The following HAPLN4 variants were observed in gnomAD, a reference collection of about 807,000 sequenced individuals.
HAPLN4 encodes the protein hyaluronan and proteoglycan link protein 4, also known as brain link protein 2.
HAPLN4 carries 19 observed loss-of-function variants against 28.0 expected under a neutral mutation model. The ratio of observed to expected loss-of-function variants is 0.68; its 90% CI spans 0.47 to 1.00. HAPLN4 has a LOEUF of 1.00. Among genes scored for constraint, HAPLN4 ranks in the 50% least tolerant of loss-of-function variants. The pLI, the probability that HAPLN4 is intolerant of heterozygous loss-of-function variation, is 0.00. For synonymous variants in HAPLN4, 274 were observed against 273.0 expected (o/e 1.00, Z -0.03); for missense variants, 587 against 602.6 (o/e 0.97, Z 0.27).
Position 19,261,552 on chromosome 19 carries a change from C to G in HAPLN4, c.15G>C (p.Arg5=), listed in dbSNP as rs1213558198. Residue 5 remains arginine (R), a synonymous_variant, in exon 2 of 5, where the codon CGG becomes CGC. Transcript: ENST00000291481. Reference sequence around the variant, plus strand: ...AGAGCGCGCCGGGACCGAGGGCCGCCCGAGCGCACACCTGGGGGGCGGGCA... The same window carrying G: ...AGAGCGCGCCGGGACCGAGGGCCGCGCGAGCGCACACCTGGGGGGCGGGCA... The part of the protein sequence containing the change: MVCA[R]AALGPGALWA... The G allele has an allele frequency of 3.9e-6, 6 of 1,546,680 alleles. No homozygotes were observed. Among genetic ancestry groups the G allele is most frequent in the Non-Finnish European group, 5.2e-6 (6 of 1,149,102 alleles).
chr19:19,261,776 C>T, intron 1 of HAPLN4: 1 of 500,450 alleles, frequency 2.0e-6, no homozygotes, highest in Non-Finnish European at 3.5e-6. Context: ...CCCCCCCGCC[C>T]TCAGTCCTGC....
chr19:19,258,798 G>T lies in HAPLN4; in HGVS notation c.542C>A (p.Ala181Glu), dbSNP rs761952308. The change falls in exon 4 of 5, where the codon GCG becomes GAG. Residue 181 changes from alanine (A) to glutamate (E), a missense_variant. Physicochemically the swap from Ala to Glu is moderately radical, Grantham distance 107. Transcript: ENST00000291481. This position sits in a 1 kb window ranked among gnomAD's most constrained non-coding sequence, Gnocchi z 6.2. ...GGRYKLTFAE[A>E]QRACAEQDGI... ...GTCCTGCTCGGCGCACGCGCGCTGC[G>T]CCTCCGCGAAGGTCAGCTTGTATCG... 1.3e-6 allele frequency: 2 copies of T among 1,595,574 alleles called. No individual in the cohort carries two copies. The highest frequency in any genetic ancestry group is 2.3e-5 in the South Asian group (2 of 88,790).
At position 19,257,703 on chromosome 19, in the gene HAPLN4, G is replaced by T; in HGVS notation, c.*114C>A. On this transcript the variant is annotated 3_prime_UTR_variant, in exon 5 of 5. Coordinates refer to ENST00000291481, the MANE Select transcript of HAPLN4 (RefSeq NM_023002.3). ...CCCAGGGGCACAGTTAGTTTGTAAG[G>T]GACCACAGGGAATGTGGCCAGTGTC... 1 of 1,231,886 alleles carries T rather than the reference G, an allele frequency of 8.1e-7. No individual in the cohort carries two copies. The highest frequency in any genetic ancestry group is 1.0e-6 in the Non-Finnish European group (1 of 958,696). 76.3% of individuals were successfully genotyped at this position (1,231,886 alleles called of 1,614,324 possible).
Position 19,262,748 on chromosome 19 carries a change from C to T in HAPLN4, c.-16G>A, listed in dbSNP as rs1406406930. ...CACTTACCATCTTGCCCGCGCGGCC[C>T]CCGCCGAGCGGCCCCTACGCACCCG... On this transcript the variant is annotated 5_prime_UTR_variant, in exon 1 of 5. Transcript: ENST00000291481. 1 of 1,608,316 alleles carries T rather than the reference C, an allele frequency of 6.2e-7. No individual in the cohort carries two copies. The highest frequency in any genetic ancestry group is 1.1e-5 in the South Asian group (1 of 90,646).
Position 19,258,205 on chromosome 19 carries a change from C to A in HAPLN4, c.821G>T (p.Arg274Leu). ...TCGCAGCGGCTTCAGGAAGAACACG[C>A]GCCCTGCGGGGGTGAGGTGGGGGGT... ...AFCFTSNLPG[R>L]VFFLKPLRPV... Residue 274 changes from arginine (R) to leucine (L), a missense_variant, in exon 5 of 5, where the codon CGC (arginine) becomes CTC (leucine). Coordinates refer to ENST00000291481, the MANE Select transcript of HAPLN4 (RefSeq NM_023002.3). This position sits in a 1 kb window ranked among gnomAD's most constrained non-coding sequence, Gnocchi z 6.2. 6.7e-7 allele frequency: 1 copy of A among 1,493,892 alleles called. No individual in the cohort carries two copies. The highest frequency in any genetic ancestry group is 8.9e-7 in the Non-Finnish European group (1 of 1,123,436). The allele number at this position is 1,493,892 out of a possible 1,614,324, so 92.5% of individuals were successfully genotyped here.
At chr19:19,261,403 C>T (rs769366417) in intron 2 of HAPLN4, 43 bp downstream of exon 2, 6 of 1,554,302 alleles carry the variant, frequency 3.9e-6, no homozygotes, top group Non-Finnish European at 5.3e-6. Flanking sequence ...TTGGCCACTT[C>T]TGCTTTTCGC....
At position 19,260,841 on chromosome 19, in the gene HAPLN4, G is replaced by T; in HGVS notation, c.456C>A (p.Asp152Glu). 6.2e-7 allele frequency: 1 copy of T among 1,612,170 alleles called. No homozygotes were observed. The highest frequency in any genetic ancestry group is 8.5e-7 in the Non-Finnish European group (1 of 1,178,476). Residue 152 changes from aspartate to glutamate, a missense_variant, in exon 3 of 5, where the codon GAC becomes GAA. Coordinates refer to ENST00000291481, the MANE Select transcript of HAPLN4 (RefSeq NM_023002.3). ...ECEVTNELED[D>E]AGMVKLDLEG... ...CCAGGTCCAGCTTGACCATGCCAGC[G>T]TCATCTTCCAGCTCATTGGTGACTT...
intron 1 of HAPLN4, among the ~76,000 whole-genome samples, chr19:19,262,172 GGA>G (rs1404995494): frequency 6.6e-6 from 1 of 150,526 alleles, no homozygotes; most frequent in African/African-American, 2.5e-5. Context: ...AGAGGCAGAG[GGA>G]GAGACAGAGG....
rs1427658525 is a variant in HAPLN4, at chr19:19,258,294, G to C, written c.818-86C>G. The C allele has an allele frequency of 2.2e-6, 3 of 1,345,950 alleles. No homozygotes were observed. The highest frequency in any genetic ancestry group is 5.1e-5 in the East Asian group (2 of 39,526). 83.4% of individuals were successfully genotyped at this position (1,345,950 alleles called of 1,614,324 possible). On this transcript the variant is annotated intron_variant, in intron 4 of 4. Coordinates refer to ENST00000291481, the MANE Select transcript of HAPLN4 (RefSeq NM_023002.3). The surrounding 1 kb of genome is among the most constrained non-coding windows in gnomAD (Gnocchi z 6.2). ...GATTCAGGACTGCCCCCCGCATGCA[G>C]CCTAGGACTCTGGCCTCGGCCCCGG... is the stretch of plus-strand genomic sequence containing the variant.
At chr19:19,261,374 C>T in intron 2 of HAPLN4, 72 bp downstream of exon 2, 1 of 1,415,428 alleles carries the variant, frequency 7.1e-7, no homozygotes, top group Non-Finnish European at 1.0e-6. Flanking sequence ...AACGCCCTAC[C>T]CGCTACCCCT....
Position 19,258,733 on chromosome 19 carries a change from G to A in HAPLN4, c.607C>T (p.Arg203Cys). ...ASAEQLHAAW[R>C]DGLDWCNAGW... ...GCGTTGCACCAGTCCAGGCCGTCGC[G>A]CCAGGCCGCGTGCAGCTGTTCTGCA... The change falls in exon 4 of 5, where the codon CGC (arginine) becomes TGC (cysteine). Residue 203 changes from arginine (R) to cysteine (C), a missense_variant. By Grantham distance (180) the Arg-to-Cys change is radical. Coordinates refer to ENST00000291481, the MANE Select transcript of HAPLN4 (RefSeq NM_023002.3). This position sits in a 1 kb window ranked among gnomAD's most constrained non-coding sequence, Gnocchi z 6.2. 2.5e-6 allele frequency: 4 copies of A among 1,602,528 alleles called. No individual in the cohort carries two copies. The highest frequency in any genetic ancestry group is 1.7e-6 in the Non-Finnish European group (2 of 1,176,182).
rs970863791 is a variant in HAPLN4 at position 19,256,202 on chromosome 19, C to T, written c.*1615G>A. On this transcript the variant is annotated 3_prime_UTR_variant, in exon 5 of 5. Transcript: ENST00000291481. ...AACAGACCAGGGCACGCCATAGGCT[C>T]GGTTTCCTCATTTGTAGGACGACGA... 2.0e-5 allele frequency: 3 copies of T among 152,184 alleles called. No individual in the cohort carries two copies. Among genetic ancestry groups the T allele is most frequent in the Non-Finnish European group, 4.4e-5 (3 of 68,026 alleles). 9.4% of individuals were successfully genotyped at this position (152,184 alleles called of 1,614,324 possible).
intron 3 of HAPLN4, among the ~76,000 whole-genome samples, chr19:19,260,499 G>A (rs559061508): frequency 1.3e-5 from 2 of 152,290 alleles, no homozygotes; most frequent in African/African-American, 4.8e-5. Context: ...TTACAGTCGT[G>A]AGCCACCATG....
chr19:19,261,601 A>C (rs1241386175), intron 1 of HAPLN4, 38 bp from the exon 2 acceptor site: 1 of 1,363,304 alleles, frequency 7.3e-7, no homozygotes, highest in African/African-American at 1.5e-5. Context: ...CCAGCCTCCC[A>C]GCCTTGGCTT....
chr19:19,261,515 A>G lies in HAPLN4; in HGVS notation c.52T>C (p.Trp18Arg). ...LGPGALWAAA[W>R]GVLLLTAPAG... Reference sequence around the variant, plus strand: ...GGGGCTGTGAGCAGCAGGACGCCCCAGGCCGCGGCCCAGAGCGCGCCGGGA... The same window carrying G: ...GGGGCTGTGAGCAGCAGGACGCCCCGGGCCGCGGCCCAGAGCGCGCCGGGA... Residue 18 changes from tryptophan (W) to arginine (R), a missense_variant, in exon 2 of 5, where the codon TGG (tryptophan) becomes CGG (arginine). Trp to Arg is a moderately radical substitution (Grantham distance 101). Coordinates refer to ENST00000291481, the MANE Select transcript of HAPLN4 (RefSeq NM_023002.3). 1 of 1,610,388 alleles carries G rather than the reference A, an allele frequency of 6.2e-7. No individual in the cohort carries two copies. The highest frequency in any genetic ancestry group is 8.5e-7 in the Non-Finnish European group (1 of 1,178,968).
In HAPLN4 at chr19:19,258,742, C is replaced by A. The variant is rs1194296703; in HGVS notation, c.598G>T (p.Ala200Ser). The A allele has an allele frequency of 1.9e-6, 3 of 1,603,186 alleles. No homozygotes were observed. The highest frequency in any genetic ancestry group is 2.6e-6 in the Non-Finnish European group (3 of 1,176,454). Reference sequence around the variant, plus strand: ...CAGTCCAGGCCGTCGCGCCAGGCCGCGTGCAGCTGTTCTGCAGATGCCAGG... The same window carrying A: ...CAGTCCAGGCCGTCGCGCCAGGCCGAGTGCAGCTGTTCTGCAGATGCCAGG... ...GILASAEQLH[A>S]AWRDGLDWCN... is the part of the protein sequence containing the mutation. The change falls in exon 4 of 5, where the codon GCG becomes TCG. Residue 200 changes from alanine to serine, a missense_variant. Transcript: ENST00000291481. This position sits in a 1 kb window ranked among gnomAD's most constrained non-coding sequence, Gnocchi z 6.2.
rs913254603 is a variant in HAPLN4, at chr19:19,258,424, GTCTCCTGTT to G, written c.817+90_817+98del. On this transcript the variant is annotated intron_variant, in intron 4 of 4. Coordinates refer to ENST00000291481, the MANE Select transcript of HAPLN4 (RefSeq NM_023002.3). The surrounding 1 kb of genome is among the most constrained non-coding windows in gnomAD (Gnocchi z 6.2). ...GCGCCTAGGCACTCTTGGGAGAGGGGTCTCCTGTTTCTGATCGCTAAGAGCTGGGTGGGG... is the reference window on the plus strand; with the variant it reads ...GCGCCTAGGCACTCTTGGGAGAGGGGTCTGATCGCTAAGAGCTGGGTGGGG... 4 of 1,291,050 alleles carry G rather than the reference GTCTCCTGTT, an allele frequency of 3.1e-6. No homozygotes were observed. In the African/African-American group the frequency reaches 5.8e-5, roughly 19 times the overall value. The allele number at this position is 1,291,050 out of a possible 1,614,324, so 80.0% of individuals were successfully genotyped here.
At chr19:19,259,896 C>T (rs1231898935) in intron 3 of HAPLN4, among the ~76,000 whole-genome samples, 1 of 152,162 alleles carries the variant, frequency 6.6e-6, no homozygotes, top group Admixed American at 6.5e-5. Context: ...CAGAGCATCC[C>T]ATCTTCCAGC....
rs942692661 is a variant in HAPLN4, at chr19:19,256,498, G to A, written c.*1319C>T. On this transcript the variant is annotated 3_prime_UTR_variant, in exon 5 of 5. Transcript: ENST00000291481. Reference sequence around the variant, plus strand: ...CTCTATGGCAACAGCTTGGTGAACAGGGCCCCGTTGTCCACAAGGAAAAGC... The same window carrying A: ...CTCTATGGCAACAGCTTGGTGAACAAGGCCCCGTTGTCCACAAGGAAAAGC... The A allele has an allele frequency of 4.6e-5, 7 of 152,682 alleles. No individual in the cohort carries two copies. Among genetic ancestry groups the A allele is most frequent in the Admixed American group, 1.3e-4 (2 of 15,288 alleles). 9.5% of individuals were successfully genotyped at this position (152,682 alleles called of 1,614,324 possible).
Sources: gnomAD v4.1 joint callset for allele counts (sites outside exome capture counted in the v4.1 genomes callset) on GRCh38, gnomAD v4.1.1 for gene constraint, Gnocchi (gnomAD v3.1) non-coding constraint, MANE v1.5 for transcripts, NCBI Gene and HGNC (gene_info 2026-07-23, HGNC 2026-07-21) for gene names.